Variants in PIEZO1 observed in about 807,000 individuals in gnomAD.
PIEZO1 encodes the protein piezo type mechanosensitive ion channel component 1 (Er blood group).
A neutral mutation model predicts 297.2 loss-of-function variants in PIEZO1; 296 were observed. The observed-to-expected ratio is 1.00, with a 90% CI of 0.91 to 1.10. The LOEUF (loss-of-function observed/expected upper bound fraction) is 1.10. Among genes scored for constraint, PIEZO1 ranks in the 50% least tolerant of loss-of-function variants. The pLI, the probability that PIEZO1 is intolerant of heterozygous loss-of-function variation, is 0.00. For synonymous variants in PIEZO1, 2,427 were observed against 1,507.5 expected (o/e 1.61, Z -14.13); for missense variants, 5,018 against 3,455.5 (o/e 1.45, Z -11.34).
chr16:88,719,528 G>A (rs1194321814), intron 44 of PIEZO1, 46 bp downstream of exon 44: 3 of 1,510,612 alleles, frequency 2.0e-6, no homozygotes, highest in Non-Finnish European at 2.7e-6. Context: ...TAGGGAGAGG[G>A]CATATCCCTG....
Position 88,715,978 on chromosome 16 carries a change from C to A in PIEZO1, c.7271G>T (p.Ser2424Ile). 1 of 1,550,122 alleles carries A rather than the reference C, an allele frequency of 6.5e-7. No homozygotes were observed. The highest frequency in any genetic ancestry group is 8.7e-7 in the Non-Finnish European group (1 of 1,146,866). Residue 2424 changes from serine (S) to isoleucine (I), a missense_variant, in exon 50 of 51, where the codon AGT becomes ATT. Physicochemically the swap from Ser to Ile is moderately radical, Grantham distance 142 (BLOSUM62 -2). Coordinates refer to ENST00000301015, the MANE Select transcript of PIEZO1 (RefSeq NM_001142864.4). ...DCNLLPMVIFSDKVSPPSLGF... is the reference protein window; with the variant it reads ...DCNLLPMVIFIDKVSPPSLGF... ...GAGGCTCGGTGGGCTGACCTTGTCA[C>A]TGAAAATGACCATGGGCAGCAGGTT...
chr16:88,770,644 C>T (rs1907383061), intron 1 of PIEZO1, among the ~76,000 whole-genome samples: 1 of 152,222 alleles, frequency 6.6e-6, no homozygotes, highest in Non-Finnish European at 1.5e-5. Flanking sequence ...ACTCTCCCGC[C>T]AGCTGCCGAG....
chr16:88,720,591 G>T (rs1462617150), intron 40 of PIEZO1, 25 bp downstream of exon 40: 1 of 1,162,052 alleles, frequency 8.6e-7, no homozygotes. Flanking sequence ...CCACTCCCCA[G>T]CTGCCCCCGG....
chr16:88,727,264 C>T (rs1002561210), intron 23 of PIEZO1, 72 bp from the exon 24 acceptor site: 4 of 1,433,262 alleles, frequency 2.8e-6, no homozygotes, highest in Non-Finnish European at 3.7e-6. Flanking sequence ...ATAAATCCCA[C>T]CTCCCACCCC....
At chr16:88,738,884 C>G in intron 5 of PIEZO1, 148 bp from the exon 6 acceptor site, 1 of 668,418 alleles carries the variant, frequency 1.5e-6, no homozygotes, top group Non-Finnish European at 2.5e-6. Flanking sequence ...CGGGCACAGG[C>G]CCCAGCCGTC....
intron 39 of PIEZO1, 89 bp downstream of exon 39, chr16:88,721,077 T>G (rs1912402027): frequency 2.3e-6 from 3 of 1,307,606 alleles, no homozygotes; most frequent in South Asian, 1.5e-5. Flanking sequence ...GCACTGGGCT[T>G]GGCCGTCTCA....
chr16:88,733,518 G>A (rs1371739848), intron 18 of PIEZO1, 64 bp from the exon 19 acceptor site: 1 of 1,529,956 alleles, frequency 6.5e-7, no homozygotes, highest in African/African-American at 1.4e-5. Flanking sequence ...GGCTGGGCTT[G>A]GGGAGGCCAG....
chr16:88,766,628 C>A (rs974818684), intron 1 of PIEZO1, among the ~76,000 whole-genome samples: 3 of 152,348 alleles, frequency 2.0e-5, no homozygotes, highest in African/African-American at 7.2e-5. Context: ...GCTCTGCTGC[C>A]ACAGGGCTGG....
At chr16:88,770,810 A>G (rs989784383) in intron 1 of PIEZO1, among the ~76,000 whole-genome samples, 1 of 152,186 alleles carries the variant, frequency 6.6e-6, no homozygotes, top group Non-Finnish European at 1.5e-5. Flanking sequence ...GCCCTGCCAT[A>G]GGTGACACCA....
intron 2 of PIEZO1, chr16:88,743,344 C>A: frequency 2.2e-6 from 1 of 453,150 alleles, no homozygotes; most frequent in Non-Finnish European, 4.5e-6. Flanking sequence ...CTGTGGACAG[C>A]TTCCCTTTCC....
At position 88,719,715 on chromosome 16, in the gene PIEZO1, C is replaced by T. The variant is rs933889520; in HGVS notation, c.6330G>A (p.Arg2110=). The T allele has an allele frequency of 3.2e-6, 5 of 1,551,100 alleles. No individual in the cohort carries two copies. Among genetic ancestry groups the T allele is most frequent in the Non-Finnish European group, 4.4e-6 (5 of 1,147,302 alleles). Residue 2110 remains arginine (R), a synonymous_variant, in exon 44 of 51, where the codon CGG becomes CGA. Transcript: ENST00000301015. ...GCAGCTCCACCAGGAACGGCACCAG[C>T]CGGAACCTGCCCACAGCCAGGGTTC... ...HLNLFLFQGF[R]LVPFLVELRA...
In PIEZO1 at chr16:88,725,063, C is replaced by A. The variant is rs753919544; in HGVS notation, c.4180G>T (p.Gly1394Cys). ...CACTGCCTCCGTGGCGGGGAGGAGC[C>A]CCCTGGACTGTCGGGCCCTGTGGAG... ...GLEPGPDSPG[G>C]SSPPRRQWWR... The change falls in exon 30 of 51, where the codon GGC (glycine) becomes TGC (cysteine). Residue 1394 changes from glycine (G) to cysteine (C), a missense_variant. Transcript: ENST00000301015. 25 of 1,510,368 alleles carry A rather than the reference C, an allele frequency of 1.7e-5. No homozygotes were observed. In the Middle Eastern group the frequency reaches 7.0e-4, roughly 42 times the overall value. 93.6% of individuals were successfully genotyped at this position (1,510,368 alleles called of 1,614,324 possible).
At position 88,736,060 on chromosome 16, in the gene PIEZO1, T is replaced by A. The variant is rs1343438148; in HGVS notation, c.1557+88A>T. The A allele has an allele frequency of 2.3e-6, 3 of 1,326,662 alleles. No homozygotes were observed. The Admixed American group carries it at 6.9e-5, about 31-fold the overall frequency. The allele number at this position is 1,326,662 out of a possible 1,614,324, so 82.2% of individuals were successfully genotyped here. ...ACATCTGCCTTCTTGGCGCTGCCACTCCCCCGGGCAAGTGGACATTGAACA... is the reference window on the plus strand; with the variant it reads ...ACATCTGCCTTCTTGGCGCTGCCACACCCCCGGGCAAGTGGACATTGAACA... On this transcript the variant is annotated intron_variant, in intron 12 of 50. Coordinates refer to ENST00000301015, the MANE Select transcript of PIEZO1 (RefSeq NM_001142864.4).
At chr16:88,729,992 G>A (rs1295987103) in intron 22 of PIEZO1, among the ~76,000 whole-genome samples, 3 of 152,290 alleles carry the variant, frequency 2.0e-5, no homozygotes, top group Admixed American at 6.5e-5. Context: ...GCGCAGCCGC[G>A]TGGAAGGAGG....
At position 88,732,679 on chromosome 16, in the gene PIEZO1, C is replaced by T. The variant is rs1298068401; in HGVS notation, c.2718G>A (p.Leu906=). The change falls in exon 20 of 51, where the codon CTG becomes CTA. Residue 906 remains leucine (L), a synonymous_variant. Transcript: ENST00000301015. ...TGGCAGGGTCCACGGGCCCCCGGTA[C>T]AGCAGGGACTGGCTGATCTCCGTGG... The part of the protein sequence containing the change: ...LLPTEISQSL[L]YRGPVDPANW... 5 of 1,549,566 alleles carry T rather than the reference C, an allele frequency of 3.2e-6. No homozygotes were observed. The highest frequency in any genetic ancestry group is 2.6e-6 in the Non-Finnish European group (3 of 1,146,458).
At chr16:88,717,911 A>G (rs746138874) in intron 44 of PIEZO1, 2 of 392,314 alleles carry the variant, frequency 5.1e-6, no homozygotes, top group Non-Finnish European at 9.9e-6. Flanking sequence ...GTTTGAGACG[A>G]ACCTGGCCAA....
rs1188363837 is a variant in PIEZO1 at position 88,717,077 on chromosome 16, C to T, written c.6606G>A (p.Gly2202=). The change falls in exon 45 of 51, where the codon GGG becomes GGA. Residue 2202 remains glycine (G), a synonymous_variant. Coordinates refer to ENST00000301015, the MANE Select transcript of PIEZO1 (RefSeq NM_001142864.4). ...TGACATCGATGGGCTGGTTGACAAC[C>T]CCAACCACGGAGCGCACCAGCGACA... ...LFMSLVRSVV[G]VVNQPIDVTV... 5.2e-6 allele frequency: 8 copies of T among 1,551,102 alleles called. No individual in the cohort carries two copies. The highest frequency in any genetic ancestry group is 3.9e-5 in the Admixed American group (2 of 51,012).
intron 1 of PIEZO1, among the ~76,000 whole-genome samples, chr16:88,770,834 T>G (rs1391353216): frequency 6.6e-6 from 1 of 151,966 alleles, no homozygotes; most frequent in Non-Finnish European, 1.5e-5. Flanking sequence ...ACCACCAGAG[T>G]CGCTGGGCCT....
At chr16:88,740,073 A>AC (rs1393988127) in intron 5 of PIEZO1, 1 of 151,298 alleles carries the variant, frequency 6.6e-6, no homozygotes, top group Non-Finnish European at 1.5e-5. Flanking sequence ...CTTGGGCCCC[A>AC]CGTGCCGCAG....
Sources: gnomAD v4.1 joint callset for allele counts (sites outside exome capture counted in the v4.1 genomes callset) on GRCh38, gnomAD v4.1.1 for gene constraint, MANE v1.5 for transcripts, NCBI Gene and HGNC (gene_info 2026-07-23, HGNC 2026-07-21) for gene names.